Variants in MTMR10 observed in about 807,000 individuals in gnomAD.
The protein encoded by MTMR10 is myotubularin related protein 10.
A neutral mutation model predicts 88.1 loss-of-function variants in MTMR10; 56 were observed. The observed-to-expected ratio is 0.64, with a 90% CI of 0.51 to 0.79. The LOEUF is 0.79. MTMR10 is among the 30% of genes least tolerant of loss of function. MTMR10 has a pLI of 0.00. For synonymous variants in MTMR10, 380 were observed against 340.9 expected (o/e 1.11, Z -1.26); for missense variants, 883 against 924.7 (o/e 0.95, Z 0.58).
intron 2 of MTMR10, among the ~76,000 whole-genome samples, chr15:30,982,305 T>C (rs933478309): frequency 6.6e-6 from 1 of 152,204 alleles, no homozygotes; most frequent in African/African-American, 2.4e-5. Flanking sequence ...CTAATAGTAT[T>C]GTTGGTTTCT....
intron 6 of MTMR10, among the ~76,000 whole-genome samples, chr15:30,963,760 C>T (rs185873386): frequency 6.6e-6 from 1 of 152,266 alleles, no homozygotes; most frequent in East Asian, 1.9e-4. Flanking sequence ...TGGAGTAACA[C>T]AACTAAAAAG....
At chr15:30,986,577 CA>C (rs2030953887) in intron 2 of MTMR10, among the ~76,000 whole-genome samples, 1 of 151,988 alleles carries the variant, frequency 6.6e-6, no homozygotes, top group Admixed American at 6.6e-5. Context: ...GTATCTATTC[CA>C]AGTAAGTTAG....
At chr15:30,937,447 CTTTT>C (rs11317050), downstream of MTMR10, among the ~76,000 whole-genome samples, 2 of 78,966 alleles carry the variant, frequency 2.5e-5, no homozygotes, top group African/African-American at 1.0e-4. Context: ...GGGTAATAAA[CTTTT>C]TTTTTTTTTT....
At chr15:30,990,707 T>C in intron 2 of MTMR10, 70 bp downstream of exon 2, 1 of 1,287,162 alleles carries the variant, frequency 7.8e-7, no homozygotes. Context: ...CACATGATAC[T>C]AGTCGGCAGA....
rs959918737 is a variant in MTMR10, at chr15:30,939,650, A to G, written c.*1820T>C. The G allele has an allele frequency of 4.4e-6, 2 of 453,512 alleles. No individual in the cohort carries two copies. Among genetic ancestry groups the G allele is most frequent in the Non-Finnish European group, 5.2e-6 (2 of 387,164 alleles). 28.1% of individuals were successfully genotyped at this position (453,512 alleles called of 1,614,324 possible). On this transcript the variant is annotated 3_prime_UTR_variant, in exon 16 of 16. Transcript: ENST00000435680. ...TAAATTAACAACAATAAAATACTAC[A>G]AGAGTTAAAATAAACGTGAAGGAAG...
Position 30,954,825 on chromosome 15 carries a change from G to C in MTMR10, c.1004C>G (p.Thr335Ser). Residue 335 changes from threonine (T) to serine (S), a missense_variant, in exon 10 of 16, where the codon ACC becomes AGC. By Grantham distance (58) the Thr-to-Ser change is moderately conservative. Coordinates refer to ENST00000435680, the MANE Select transcript of MTMR10 (RefSeq NM_017762.3). The part of the protein sequence containing the change: ...SDVYKSDLDK[T>S]LPNIQEVQAA... ...CTGTACTTCTTGAATATTAGGCAAG[G>C]TCTTATCCAAATCTGATTTGTAAAC... 1.3e-6 allele frequency: 2 copies of C among 1,594,984 alleles called. No individual in the cohort carries two copies. The highest frequency in any genetic ancestry group is 1.7e-6 in the Non-Finnish European group (2 of 1,169,244).
chr15:30,920,717 C>A, the MTMR10 span: 1 of 918,644 alleles, frequency 1.1e-6, no homozygotes, highest in Non-Finnish European at 1.7e-6. Context: ...TGTGAAGGGA[C>A]AGCTGTCGGG....
Position 30,939,850 on chromosome 15 carries a change from T to G in MTMR10, c.*1620A>C, listed in dbSNP as rs1421149460. On this transcript the variant is annotated 3_prime_UTR_variant, in exon 16 of 16. Transcript: ENST00000435680. Reference sequence around the variant, plus strand: ...CTGTAAAATGTTTAATAATTCTATTTGTATAAACTGAAACTAGCCCTTATT... The same window carrying G: ...CTGTAAAATGTTTAATAATTCTATTGGTATAAACTGAAACTAGCCCTTATT... 2.0e-6 allele frequency: 2 copies of G among 985,210 alleles called. No individual in the cohort carries two copies. Among genetic ancestry groups the G allele is most frequent in the Non-Finnish European group, 2.4e-6 (2 of 829,796 alleles). The allele number at this position is 985,210 out of a possible 1,614,324, so 61.0% of individuals were successfully genotyped here.
Position 30,939,695 on chromosome 15 carries a change from T to C in MTMR10, c.*1775A>G. ...AGGAAGAAAATTACAGAGGGAAAAA[T>C]GCTCAATCCAAAACATTTAGTAATA... On this transcript the variant is annotated 3_prime_UTR_variant, in exon 16 of 16. Transcript: ENST00000435680. 1 of 965,666 alleles carries C rather than the reference T, an allele frequency of 1.0e-6. No individual in the cohort carries two copies. The highest frequency in any genetic ancestry group is 1.2e-6 in the Non-Finnish European group (1 of 812,174). 59.8% of individuals were successfully genotyped at this position (965,666 alleles called of 1,614,324 possible). A position where few individuals can be genotyped will look rare whatever the true frequency, so the allele number is the denominator to read the frequency against.
chr15:30,935,137 T>C (rs1341426234), downstream of MTMR10, among the ~76,000 whole-genome samples: 1 of 151,978 alleles, frequency 6.6e-6, no homozygotes, highest in Non-Finnish European at 1.5e-5. Context: ...TGAGACCTCA[T>C]CTCTACAAAA....
rs760774102 is a variant in MTMR10, at chr15:30,941,512, G to A, written c.2292C>T (p.Ala764=). ...GTPLSKFLSG[A]KIWLSTETLA... is the part of the protein sequence containing the mutation. ...ATGTCTCAGTAGACAACCATATTTTGGCCCCACTTAAAAATTTGCTTAATG... is the reference window on the plus strand; with the variant it reads ...ATGTCTCAGTAGACAACCATATTTTAGCCCCACTTAAAAATTTGCTTAATG... Residue 764 remains alanine, a synonymous_variant, in exon 16 of 16, where the codon GCC becomes GCT. Transcript: ENST00000435680. The A allele has an allele frequency of 6.2e-7, 1 of 1,611,510 alleles. No individual in the cohort carries two copies. Among genetic ancestry groups the A allele is most frequent in the South Asian group, 1.1e-5 (1 of 90,582 alleles).
chr15:30,941,498 G>A lies in MTMR10; in HGVS notation c.2306C>T (p.Ser769Phe). ...GTCTTCATTTGCTAATGTCTCAGTA[G>A]ACAACCATATTTTGGCCCCACTTAA... is the stretch of plus-strand genomic sequence containing the variant. ...KFLSGAKIWLSTETLANED is the reference protein window; with the variant it reads ...KFLSGAKIWLFTETLANED The change falls in exon 16 of 16, where the codon TCT (serine) becomes TTT (phenylalanine). Residue 769 changes from serine to phenylalanine, a missense_variant. Transcript: ENST00000435680. The A allele has an allele frequency of 6.2e-7, 1 of 1,611,336 alleles. No homozygotes were observed. The highest frequency in any genetic ancestry group is 8.5e-7 in the Non-Finnish European group (1 of 1,178,476).
chr15:30,927,731 T>G, the MTMR10 span: 109 of 985,604 alleles, frequency 1.1e-4, no homozygotes, highest in Non-Finnish European at 1.2e-4. Context: ...CCATGTGGCC[T>G]CCTCCTCTGT....
intron 6 of MTMR10, among the ~76,000 whole-genome samples, chr15:30,966,859 T>C (rs1386563391): frequency 2.3e-5 from 1 of 43,928 alleles, no homozygotes; most frequent in Non-Finnish European, 5.1e-5. Context: ...CTGTATTTTC[T>C]TTTTTTTTTT....
intron 13 of MTMR10, among the ~76,000 whole-genome samples, chr15:30,947,931 G>C (rs187117679): frequency 3.3e-5 from 5 of 152,270 alleles, no homozygotes; most frequent in Admixed American, 6.5e-5. Context: ...CTGTTGCAAA[G>C]GTGGCCCTCT....
Position 30,991,569 on chromosome 15 carries a change from C to T in MTMR10, c.-63G>A. 1.3e-6 allele frequency: 2 copies of T among 1,514,926 alleles called. No individual in the cohort carries two copies. The highest frequency in any genetic ancestry group is 1.8e-6 in the Non-Finnish European group (2 of 1,140,450). The allele number at this position is 1,514,926 out of a possible 1,614,324, so 93.8% of individuals were successfully genotyped here. A position where few individuals can be genotyped will look rare whatever the true frequency, so the allele number is the denominator to read the frequency against. On this transcript the variant is annotated 5_prime_UTR_variant, in exon 1 of 16. Coordinates refer to ENST00000435680, the MANE Select transcript of MTMR10 (RefSeq NM_017762.3). ...CAGTGGCAGCGCCGACGCCTCCGGGCGTAAAGCTCTCAGTGCGGCCGCCCA... is the reference window on the plus strand; with the variant it reads ...CAGTGGCAGCGCCGACGCCTCCGGGTGTAAAGCTCTCAGTGCGGCCGCCCA...
chr15:30,975,432 C>T (rs1468619840), intron 3 of MTMR10, among the ~76,000 whole-genome samples: 1 of 151,224 alleles, frequency 6.6e-6, no homozygotes, highest in East Asian at 1.9e-4. Flanking sequence ...TTTGCATGTT[C>T]AAACTAAGGA....
At chr15:30,925,760 T>G in the MTMR10 span, 6 of 1,613,108 alleles carry the variant, frequency 3.7e-6, no homozygotes, top group East Asian at 1.1e-4. Flanking sequence ...GACCTGAGGC[T>G]AATAGATGTT....
At chr15:30,938,171 G>A (rs531033771), downstream of MTMR10, among the ~76,000 whole-genome samples, 127 of 151,038 alleles carry the variant, frequency 8.4e-4, no homozygotes, top group African/African-American at 3.0e-3. Context: ...GAGACAGAGC[G>A]AGACTCTGTC....
Sources: gnomAD v4.1 joint callset for allele counts (sites outside exome capture counted in the v4.1 genomes callset) on GRCh38, gnomAD v4.1.1 for gene constraint, MANE v1.5 for transcripts, NCBI Gene and HGNC (gene_info 2026-07-23, HGNC 2026-07-21) for gene names.